CELF2: variants seen among roughly 807,000 people sequenced by gnomAD.
CELF2 encodes the protein CUG triplet repeat RNA-binding protein 2.
CELF2 carries 8 observed loss-of-function variants against 62.6 expected under a neutral mutation model. That is an observed-to-expected ratio of 0.13 (90% CI 0.07 to 0.23). The LOEUF (loss-of-function observed/expected upper bound fraction) is 0.23, where lower values mean the gene tolerates loss of function less well. Among genes scored for constraint, CELF2 ranks in the 10% least tolerant of loss-of-function variants. CELF2 has a pLI of 1.00. For synonymous variants in CELF2, 258 were observed against 250.0 expected (o/e 1.03, Z -0.30); for missense variants, 333 against 671.0 (o/e 0.50, Z 5.56).
At chr10:10,954,713 G>T (rs779259283) in intron 2 of CELF2, among the ~76,000 whole-genome samples, 1 of 152,160 alleles carries the variant, frequency 6.6e-6, no homozygotes, top group Non-Finnish European at 1.5e-5. Flanking sequence ...CTCAACACCT[G>T]TCAATAAGGA....
At chr10:10,464,672 T>G in the CELF2 span, among the ~76,000 whole-genome samples, 1 of 152,186 alleles carries the variant, frequency 6.6e-6, no homozygotes, top group Non-Finnish European at 1.5e-5. Flanking sequence ...TGTGAAGAAC[T>G]GCCATCATCT....
At position 11,165,683 on chromosome 10, in the gene CELF2, G is replaced by T; in HGVS notation, c.271+1G>T. The T allele has an allele frequency of 1.2e-6, 2 of 1,610,646 alleles. No individual in the cohort carries two copies. On this transcript the variant is annotated splice_donor_variant, in intron 2 of 12. Coordinates refer to ENST00000633077, the MANE Select transcript of CELF2 (RefSeq NM_001326342.2). LOFTEE classifies it high-confidence loss of function. This position sits in a 1 kb window ranked among gnomAD's most constrained non-coding sequence, Gnocchi z 7.4. ...AGTCAGAACCCTCCGCAGAGTAAAG[G>T]TACAGAGCGCGGGGCGGGGGTCGCC...
chr10:11,004,721 A>G (rs2054904220), upstream of CELF2, among the ~76,000 whole-genome samples: 1 of 152,148 alleles, frequency 6.6e-6, no homozygotes, highest in African/African-American at 2.4e-5. This position sits in a 1 kb window ranked among gnomAD's most constrained non-coding sequence, Gnocchi z 5.0. Context: ...TGGTGCGCAC[A>G]GAGTTAAAAT....
the CELF2 span, among the ~76,000 whole-genome samples, chr10:10,609,392 T>C: frequency 1.5e-5 from 2 of 129,170 alleles, no homozygotes; most frequent in Non-Finnish European, 3.1e-5. Flanking sequence ...AAGAGAATTG[T>C]GTGCAACATA....
chr10:10,498,230 G>A, the CELF2 span, among the ~76,000 whole-genome samples: 4 of 152,182 alleles, frequency 2.6e-5, no homozygotes, highest in South Asian at 2.1e-4. Context: ...GCTCAGAAAC[G>A]TGCCATCTGA....
chr10:10,680,680 C>T, the CELF2 span, among the ~76,000 whole-genome samples: 1 of 152,210 alleles, frequency 6.6e-6, no homozygotes, highest in Non-Finnish European at 1.5e-5. Context: ...ACATAAATCA[C>T]ATTGTTAGCA....
At chr10:11,002,389 A>G (rs1359225010), upstream of CELF2, among the ~76,000 whole-genome samples, 1 of 152,188 alleles carries the variant, frequency 6.6e-6, no homozygotes, top group Non-Finnish European at 1.5e-5. The surrounding 1 kb of genome is among the most constrained non-coding windows in gnomAD (Gnocchi z 4.4). Context: ...CCGTATCACT[A>G]TCCCCTAAGG....
chr10:10,492,738 T>C, the CELF2 span, among the ~76,000 whole-genome samples: 1 of 152,234 alleles, frequency 6.6e-6, no homozygotes, highest in East Asian at 1.9e-4. Flanking sequence ...ATGGTTTGGC[T>C]GTGTCCCCAC....
intron 1 of CELF2, among the ~76,000 whole-genome samples, chr10:11,084,353 G>A (rs1564664986): frequency 6.6e-6 from 1 of 152,226 alleles, no homozygotes; most frequent in African/African-American, 2.4e-5. Context: ...GTGGGTTAGA[G>A]GTAGATGCTA....
intron 2 of CELF2, among the ~76,000 whole-genome samples, chr10:11,171,710 C>G (rs2068912944): frequency 6.6e-6 from 1 of 152,146 alleles, no homozygotes; most frequent in South Asian, 2.1e-4. Flanking sequence ...AGAGAATGAG[C>G]CTTGCTTTCT....
At chr10:11,265,259 C>T (rs931822528) in intron 5 of CELF2, among the ~76,000 whole-genome samples, 1 of 152,178 alleles carries the variant, frequency 6.6e-6, no homozygotes, top group African/African-American at 2.4e-5. Context: ...AATCTCACAT[C>T]GTTGATGCCA....
chr10:10,804,442 G>A (rs2054997260), intron 1 of CELF2, among the ~76,000 whole-genome samples: 1 of 152,204 alleles, frequency 6.6e-6, no homozygotes, highest in South Asian at 2.1e-4. Flanking sequence ...ACAGATAGTT[G>A]GAGGGATGCT....
At chr10:10,601,924 A>G in the CELF2 span, among the ~76,000 whole-genome samples, 1 of 150,942 alleles carries the variant, frequency 6.6e-6, no homozygotes, top group Non-Finnish European at 1.5e-5. Context: ...AGTGTGTGTT[A>G]TTCCCCTCCC....
At chr10:10,675,313 C>CTT in the CELF2 span, among the ~76,000 whole-genome samples, 1 of 152,084 alleles carries the variant, frequency 6.6e-6, no homozygotes, top group Admixed American at 6.6e-5. Context: ...TCACTTGACT[C>CTT]TTTTTTTGCT....
chr10:10,497,503 T>C, the CELF2 span, among the ~76,000 whole-genome samples: 347 of 152,180 alleles, frequency 2.3e-3, 2 homozygotes, highest in African/African-American at 7.8e-3. Context: ...ATGTATACTA[T>C]ATATGATACC....
At chr10:10,773,803 C>T in the CELF2 span, among the ~76,000 whole-genome samples, 380 of 152,328 alleles carry the variant, frequency 2.5e-3, 2 homozygotes, top group African/African-American at 8.6e-3. Context: ...TGTTCTCCCT[C>T]CTCTTCCTTC....
the CELF2 span, among the ~76,000 whole-genome samples, chr10:10,695,062 G>T: frequency 6.7e-6 from 1 of 149,170 alleles, no homozygotes; most frequent in African/African-American, 2.5e-5. Context: ...ATGTTAGCTG[G>T]TGATTTTGCT....
intron 10 of CELF2, among the ~76,000 whole-genome samples, chr10:11,320,109 A>T (rs978103943): frequency 1.3e-5 from 2 of 152,192 alleles, no homozygotes; most frequent in Non-Finnish European, 2.9e-5. Context: ...AAGAACTGTG[A>T]TCATAAAGGG....
chr10:11,216,473 G>A lies in CELF2; in HGVS notation c.272-952G>A, dbSNP rs1190090931. ...TTACCAAAGACAGCCCAGATCAAAG[G>A]TTAGCATCTTTGTTTCTTAAATTTC... On this transcript the variant is annotated intron_variant, in intron 2 of 12. Transcript: ENST00000633077. Among the ~76,000 whole-genome samples the A allele has an allele frequency of 3.9e-5, 6 of 152,260 alleles. No individual in the cohort carries two copies. In the South Asian group the frequency reaches 1.0e-3, roughly 26 times the overall value.
Sources: gnomAD v4.1 joint callset for allele counts (sites outside exome capture counted in the v4.1 genomes callset) on GRCh38, gnomAD v4.1.1 for gene constraint, Gnocchi (gnomAD v3.1) non-coding constraint, MANE v1.5 for transcripts, NCBI Gene and HGNC (gene_info 2026-07-23, HGNC 2026-07-21) for gene names.